Variants in CNTNAP2 observed in about 807,000 individuals in gnomAD.
The protein encoded by CNTNAP2 is contactin-associated protein-like 2.
Under a neutral mutation model 155.2 loss-of-function variants are expected in CNTNAP2, and 98 were observed. That is an observed-to-expected ratio of 0.63 (90% CI 0.54 to 0.75). The LOEUF (loss-of-function observed/expected upper bound fraction) is 0.75, where lower values mean the gene tolerates loss of function less well. CNTNAP2 is among the 30% of genes least tolerant of loss of function. CNTNAP2 has a pLI of 0.00. For synonymous variants in CNTNAP2, 651 were observed against 631.2 expected, an observed-to-expected ratio of 1.03 and a Z score of -0.47; for missense variants, 1,727 against 1,688.1, an observed-to-expected ratio of 1.02 and a Z score of -0.40.
intron 12 of CNTNAP2, among the ~76,000 whole-genome samples, chr7:147,622,202 C>T (rs562901237): frequency 4.6e-4 from 70 of 151,970 alleles, no homozygotes; most frequent in Non-Finnish European, 7.4e-4. Flanking sequence ...GAATTCAACA[C>T]CTCACCTTCA....
chr7:148,283,304 A>AAAGAAAGAAAGAAAGGAAGG (rs1278484699), intron 21 of CNTNAP2, among the ~76,000 whole-genome samples: 4 of 89,420 alleles, frequency 4.5e-5, no homozygotes, highest in African/African-American at 2.3e-4. Flanking sequence ...AGAAAGAAAG[A>AAAGAAAGAAAGAAAGGAAGG]AAGGAAGGAA....
At chr7:148,401,281 C>T (rs1563074218) in intron 22 of CNTNAP2, among the ~76,000 whole-genome samples, 1 of 152,174 alleles carries the variant, frequency 6.6e-6, no homozygotes, top group Non-Finnish European at 1.5e-5. Context: ...CTGGCACCCA[C>T]CAACCATGTG....
intron 23 of CNTNAP2, among the ~76,000 whole-genome samples, chr7:148,412,076 G>A (rs142519579): frequency 0.026 from 3,908 of 151,756 alleles, 191 homozygotes; most frequent in African/African-American, 0.09. Flanking sequence ...CCGAGTAGCT[G>A]GGATTACAGG....
chr7:147,899,247 G>C (rs1195675046), intron 13 of CNTNAP2, among the ~76,000 whole-genome samples: 1 of 152,168 alleles, frequency 6.6e-6, no homozygotes, highest in Non-Finnish European at 1.5e-5. Context: ...GGCTGAGGTG[G>C]GAGGATGGCT....
intron 16 of CNTNAP2, among the ~76,000 whole-genome samples, chr7:148,126,183 A>C (rs898154833): frequency 6.6e-6 from 1 of 152,216 alleles, no homozygotes; most frequent in Non-Finnish European, 1.5e-5. Context: ...TAGAATGCCA[A>C]AGGAAAAAAG....
At chr7:146,390,539 G>GTA (rs1051890524) in intron 1 of CNTNAP2, among the ~76,000 whole-genome samples, 7 of 149,224 alleles carry the variant, frequency 4.7e-5, no homozygotes, top group East Asian at 2.0e-4. Flanking sequence ...TAAAATATAT[G>GTA]TATATATATA....
At chr7:147,525,320 A>C (rs150435150) in intron 11 of CNTNAP2, among the ~76,000 whole-genome samples, 135 of 152,356 alleles carry the variant, frequency 8.9e-4, no homozygotes, top group Admixed American at 1.7e-3. Flanking sequence ...AGATAGAGAC[A>C]AATATAAGGA....
intron 1 of CNTNAP2, among the ~76,000 whole-genome samples, chr7:146,634,582 C>T (rs528245361): frequency 1.8e-4 from 27 of 152,238 alleles, no homozygotes; most frequent in African/African-American, 5.5e-4. Context: ...GGAGATGTGA[C>T]ATTTAATCTG....
intron 14 of CNTNAP2, among the ~76,000 whole-genome samples, chr7:147,925,671 C>T (rs11983629): frequency 6.6e-6 from 1 of 151,884 alleles, no homozygotes; most frequent in Non-Finnish European, 1.5e-5. Flanking sequence ...CCATGTTAGC[C>T]AGGATAGTCT....
At chr7:146,191,481 G>C (rs1014833536) in intron 1 of CNTNAP2, among the ~76,000 whole-genome samples, 1 of 152,156 alleles carries the variant, frequency 6.6e-6, no homozygotes, top group Admixed American at 6.5e-5. Context: ...ATCTTATCAG[G>C]AGACAGGGTT....
At chr7:148,288,455 C>T (rs1797129895) in intron 21 of CNTNAP2, among the ~76,000 whole-genome samples, 1 of 152,236 alleles carries the variant, frequency 6.6e-6, no homozygotes, top group East Asian at 1.9e-4. Flanking sequence ...CCGCGATGAC[C>T]TTATCTAATT....
intron 2 of CNTNAP2, among the ~76,000 whole-genome samples, chr7:146,821,393 G>T (rs998360394): frequency 2.6e-5 from 4 of 152,056 alleles, no homozygotes; most frequent in African/African-American, 7.2e-5. Context: ...TTGCTTGTCT[G>T]TAAAGTATTT....
chr7:146,480,514 A>T (rs1029846836), intron 1 of CNTNAP2, among the ~76,000 whole-genome samples: 10 of 151,838 alleles, frequency 6.6e-5, no homozygotes, highest in Non-Finnish European at 1.3e-4. Context: ...TTTTATGGTG[A>T]TCTATTCATA....
chr7:148,366,242 ATG>A (rs1243066137), intron 21 of CNTNAP2, among the ~76,000 whole-genome samples: 1 of 142,572 alleles, frequency 7.0e-6, no homozygotes, highest in African/African-American at 2.6e-5. Context: ...GTATATGTGT[ATG>A]CATGTATATA....
chr7:147,027,277 A>T (rs1437443531), intron 3 of CNTNAP2, among the ~76,000 whole-genome samples: 2 of 152,256 alleles, frequency 1.3e-5, no homozygotes, highest in Non-Finnish European at 2.9e-5. Flanking sequence ...ACATTGCACA[A>T]GAAGTGGATA....
intron 3 of CNTNAP2, among the ~76,000 whole-genome samples, chr7:146,919,433 A>G (rs187119367): frequency 6.6e-6 from 1 of 152,172 alleles, no homozygotes; most frequent in Non-Finnish European, 1.5e-5. Flanking sequence ...CTGAGAGCCA[A>G]ACTGCAGTGG....
intron 23 of CNTNAP2, 60 bp from the exon 24 acceptor site, chr7:148,415,357 C>G (rs568760514): frequency 1.4e-4 from 224 of 1,564,568 alleles, no homozygotes; most frequent in Middle Eastern, 5.4e-4. Flanking sequence ...GAAGTGGGGA[C>G]AGTGTTGGAG....
intron 1 of CNTNAP2, among the ~76,000 whole-genome samples, chr7:146,254,501 T>A (rs767663445): frequency 6.6e-6 from 1 of 152,190 alleles, no homozygotes; most frequent in Non-Finnish European, 1.5e-5. Flanking sequence ...ATGGAGGAAG[T>A]CATTTAGATT....
At chr7:146,928,394 G>A (rs1162695413) in intron 3 of CNTNAP2, among the ~76,000 whole-genome samples, 3 of 152,132 alleles carry the variant, frequency 2.0e-5, no homozygotes, top group Non-Finnish European at 2.9e-5. Flanking sequence ...GGTCGTTCTG[G>A]GTGATGTGTT....
Sources: allele counts gnomAD v4.1 joint callset (sites outside exome capture counted in the v4.1 genomes callset), GRCh38; gene constraint gnomAD v4.1.1; transcripts MANE v1.5; gene names NCBI Gene and HGNC (gene_info 2026-07-23, HGNC 2026-07-21).